The following DLG3 variants were observed in gnomAD, a reference collection of about 807,000 sequenced individuals.
DLG3 encodes the protein discs large MAGUK scaffold protein 3.
DLG3 carries 1 observed loss-of-function variant against 64.1 expected under a neutral mutation model. The observed-to-expected ratio is 0.02, with a 90% CI of 0.01 to 0.07. The LOEUF (loss-of-function observed/expected upper bound fraction) is 0.07, where lower values mean the gene tolerates loss of function less well. DLG3 is among the 10% of genes least tolerant of loss of function. The probability of loss-of-function intolerance (pLI) is 1.00; values close to 1 mark genes in which losing one functional copy is unlikely to be tolerated. For synonymous variants in DLG3, 245 were observed against 259.8 expected (o/e 0.94, Z 0.55); for missense variants, 429 against 669.5 (o/e 0.64, Z 3.96).
intron 10 of DLG3, among the ~76,000 whole-genome samples, chrX:70,479,474 A>G (rs1369973075): frequency 8.9e-6 from 1 of 112,126 alleles, no homozygotes; most frequent in Non-Finnish European, 1.9e-5. Context: ...TGAATGACTC[A>G]GTATGGGAAA....
chrX:70,446,661 A>G (rs987571502), intron 1 of DLG3, among the ~76,000 whole-genome samples: 10 of 112,917 alleles, frequency 8.9e-5, no homozygotes, highest in Admixed American at 1.9e-4. Context: ...CTCCCAGCCT[A>G]AACTGCCAGC....
chrX:70,450,412 A>G, intron 5 of DLG3, 107 bp downstream of exon 5: 2 of 1,022,849 alleles, frequency 2.0e-6, no homozygotes, highest in Non-Finnish European at 2.7e-6. Flanking sequence ...TCATGGGGGA[A>G]TTTCAAGAGT....
At chrX:70,454,789 C>A (rs760684690) in intron 9 of DLG3, among the ~76,000 whole-genome samples, 24 of 112,685 alleles carry the variant, frequency 2.1e-4, no homozygotes, top group Admixed American at 1.9e-3. Flanking sequence ...GACCCATAAA[C>A]GCGCTGAAAA....
At chrX:70,483,245 CTG>C (rs1453939175) in intron 10 of DLG3, among the ~76,000 whole-genome samples, 2 of 112,369 alleles carry the variant, frequency 1.8e-5, no homozygotes, top group East Asian at 2.8e-4. Context: ...GATCATGACA[CTG>C]TATTCCGTCC....
At position 70,452,018 on chromosome X, in the gene DLG3, C is replaced by G. The variant is rs767288426; in HGVS notation, c.1137C>G (p.Asp379Glu). The G allele has an allele frequency of 1.1e-5, 13 of 1,210,965 alleles. No homozygotes were observed. Among genetic ancestry groups the G allele is most frequent in the Non-Finnish European group, 1.5e-5 (13 of 895,267 alleles). ...PIPRHMLAEE[D>E]FTREPRKIIL... ...CCAGGCACATGCTGGCTGAGGAGGACTTCACCAGGTAAGACCCCGCCCCCA... is the reference window on the plus strand; with the variant it reads ...CCAGGCACATGCTGGCTGAGGAGGAGTTCACCAGGTAAGACCCCGCCCCCA... The change falls in exon 7 of 19, where the codon GAC (aspartate) becomes GAG (glutamate). Residue 379 changes from aspartate (D) to glutamate (E), a missense_variant. By Grantham distance (45) the Asp-to-Glu change is conservative. Around this residue, in one of 9 missense-constraint regions of DLG3, gnomAD observed 54 missense variants for 54.4 expected, o/e 0.99. Coordinates refer to ENST00000374360, the MANE Select transcript of DLG3 (RefSeq NM_021120.4).
intron 12 of DLG3, among the ~76,000 whole-genome samples, chrX:70,494,973 G>C: frequency 1.8e-5 from 2 of 112,371 alleles, no homozygotes; most frequent in Admixed American, 1.9e-4. Context: ...ACTGCAGAGG[G>C]AAATGGTGAT....
At chrX:70,463,712 GA>G (rs754118037) in intron 9 of DLG3, among the ~76,000 whole-genome samples, 1 of 111,789 alleles carries the variant, frequency 8.9e-6, no homozygotes, top group Non-Finnish European at 1.9e-5. Flanking sequence ...TAGAGTAGCT[GA>G]ATGATCTTAG....
chrX:70,469,637 G>T (rs369514561), intron 9 of DLG3, among the ~76,000 whole-genome samples: 4 of 109,164 alleles, frequency 3.7e-5, no homozygotes, highest in African/African-American at 1.3e-4. Flanking sequence ...TAGTAGAGAT[G>T]GGGTTTCACC....
Position 70,499,221 on chromosome X carries a change from G to A in DLG3, c.1916G>A (p.Arg639Gln), listed in dbSNP as rs2087511728. The change falls in exon 15 of 19, where the codon CGA (arginine) becomes CAA (glutamine). Residue 639 changes from arginine to glutamine, a missense_variant. This residue lies in a region of DLG3 where 46 missense variants were observed against 64.4 expected (regional missense o/e 0.71). Transcript: ENST00000374360. ...PVIILGPMKD[R>Q]VNDDLISEFP... ...ATCATCCTGGGCCCAATGAAGGACC[G>A]AGTCAATGATGACCTGATCTCCGAA... 9.9e-6 allele frequency: 12 copies of A among 1,210,634 alleles called. No homozygotes were observed. The highest frequency in any genetic ancestry group is 3.0e-5 in the East Asian group (1 of 33,803).
chrX:70,483,681 A>G (rs1190339095), intron 10 of DLG3, among the ~76,000 whole-genome samples: 1 of 112,715 alleles, frequency 8.9e-6, no homozygotes. Flanking sequence ...CTGCAGCTGT[A>G]CTAACCACAG....
chrX:70,460,955 G>A (rs772236370), intron 9 of DLG3, among the ~76,000 whole-genome samples: 5 of 112,053 alleles, frequency 4.5e-5, no homozygotes, highest in South Asian at 3.7e-4. Context: ...GATATACCAC[G>A]TATTGTTTAT....
chrX:70,494,144 A>G (rs779001470), intron 12 of DLG3, among the ~76,000 whole-genome samples: 2 of 112,772 alleles, frequency 1.8e-5, no homozygotes, highest in East Asian at 5.6e-4. Context: ...TCTATTGAGA[A>G]ACACAAAGTT....
intron 18 of DLG3, among the ~76,000 whole-genome samples, chrX:70,501,359 G>C (rs187672529): frequency 2.9e-4 from 32 of 109,006 alleles, no homozygotes; most frequent in Middle Eastern, 9.4e-3. Context: ...TGTTGATGAT[G>C]ATGATTCCTC....
rs772544581 is a variant in DLG3, at chrX:70,453,400, A to C, written c.1146-237A>C. 22 of 399,484 alleles carry C rather than the reference A, an allele frequency of 5.5e-5. No homozygotes were observed. The South Asian group carries it at 6.1e-4, about 11-fold the overall frequency. 32.9% of individuals were successfully genotyped at this position (399,484 alleles called of 1,213,427 possible). On this transcript the variant is annotated intron_variant, in intron 7 of 18. Coordinates refer to ENST00000374360, the MANE Select transcript of DLG3 (RefSeq NM_021120.4). ...CACCCGAGAGAGTAGGGGACTGTCC[A>C]CTGGGAAGTTGACTGCAAGCCCTCG... is the stretch of plus-strand genomic sequence containing the variant.
chrX:70,483,519 C>T (rs1196660438), intron 10 of DLG3, among the ~76,000 whole-genome samples: 3 of 112,574 alleles, frequency 2.7e-5, no homozygotes, highest in African/African-American at 6.5e-5. Flanking sequence ...ATTTTGCTGT[C>T]GCTTTCCCTA....
Position 70,502,360 on chromosome X carries a change from A to G in DLG3, c.*91A>G. 1.5e-6 allele frequency: 1 copy of G among 645,993 alleles called. No individual in the cohort carries two copies. The highest frequency in any genetic ancestry group is 2.5e-6 in the Non-Finnish European group (1 of 397,062). The allele number at this position is 645,993 out of a possible 1,213,427, so 53.2% of individuals were successfully genotyped here. A position where few individuals can be genotyped will look rare whatever the true frequency, so the allele number is the denominator to read the frequency against. On this transcript the variant is annotated 3_prime_UTR_variant, in exon 19 of 19. Transcript: ENST00000374360. ...CATTCCTGTCCCCATGGGGAGAACA[A>G]ATGCTACTGTTCTTGTCCCCTTTTT...
At chrX:70,485,287 C>T (rs1430417831) in intron 10 of DLG3, among the ~76,000 whole-genome samples, 1 of 111,683 alleles carries the variant, frequency 9.0e-6, no homozygotes, top group African/African-American at 3.3e-5. Context: ...AAAGGGCTTC[C>T]ACTTTGGCGG....
At position 70,451,972 on chromosome X, in the gene DLG3, C is replaced by T. The variant is rs1484682781; in HGVS notation, c.1091C>T (p.Pro364Leu). The part of the protein sequence containing the change: ...VSYPAPPQVP[P>L]TRYSPIPRHM... Reference sequence around the variant, plus strand: ...TACCCTGCTCCTCCTCAGGTTCCCCCCACCCGCTACTCTCCTATTCCCAGG... The same window carrying T: ...TACCCTGCTCCTCCTCAGGTTCCCCTCACCCGCTACTCTCCTATTCCCAGG... The change falls in exon 7 of 19, where the codon CCC becomes CTC. Residue 364 changes from proline (P) to leucine (L), a missense_variant. Around this residue, in one of 9 missense-constraint regions of DLG3, gnomAD observed 54 missense variants for 54.4 expected, o/e 0.99. Transcript: ENST00000374360. The T allele has an allele frequency of 2.5e-6, 3 of 1,209,224 alleles. No individual in the cohort carries two copies. The highest frequency in any genetic ancestry group is 1.8e-5 in the African/African-American group (1 of 56,973).
In DLG3 at chrX:70,445,652, C is replaced by T. The variant is rs2086559025; in HGVS notation, c.357+94C>T. On this transcript the variant is annotated intron_variant, in intron 1 of 18. Coordinates refer to ENST00000374360, the MANE Select transcript of DLG3 (RefSeq NM_021120.4). Reference sequence around the variant, plus strand: ...TGGGATGCAGTAGGGGTCGCTGGGGCTCCAAGCCTGTGGACCCCGAGCCCT... The same window carrying T: ...TGGGATGCAGTAGGGGTCGCTGGGGTTCCAAGCCTGTGGACCCCGAGCCCT... The T allele has an allele frequency of 1.0e-5, 9 of 863,245 alleles. No individual in the cohort carries two copies. The East Asian group carries it at 2.7e-4, about 26-fold the overall frequency. The allele number at this position is 863,245 out of a possible 1,213,427, so 71.1% of individuals were successfully genotyped here. A position where few individuals can be genotyped will look rare whatever the true frequency, so the allele number is the denominator to read the frequency against.
Sources: allele counts gnomAD v4.1 joint callset (sites outside exome capture counted in the v4.1 genomes callset), GRCh38; gene constraint gnomAD v4.1.1; regional missense constraint gnomAD v4.1.1; transcripts MANE v1.5; gene names NCBI Gene and HGNC (gene_info 2026-07-23, HGNC 2026-07-21).